SLC24A2: variants seen among roughly 807,000 people sequenced by gnomAD.
SLC24A2 encodes solute carrier family 24 member 2, also known as sodium/potassium/calcium exchanger 2.
A neutral mutation model predicts 62.0 loss-of-function variants in SLC24A2; 36 were observed. The observed-to-expected ratio is 0.58, with a 90% confidence interval of 0.44 to 0.77. The LOEUF (loss-of-function observed/expected upper bound fraction) is 0.77, where lower values mean the gene tolerates loss of function less well. SLC24A2 is among the 30% of genes least tolerant of loss of function. The probability of loss-of-function intolerance (pLI) is 0.00; values close to 1 mark genes in which losing one functional copy is unlikely to be tolerated. For missense variants in SLC24A2, 846 were observed against 817.9 expected (o/e 1.03, Z -0.42); for synonymous variants, 358 against 294.0 (o/e 1.22, Z -2.23).
the SLC24A2 span, among the ~76,000 whole-genome samples, chr9:20,165,605 C>A: frequency 6.6e-6 from 1 of 151,762 alleles, no homozygotes; most frequent in Non-Finnish European, 1.5e-5. Context: ...GAAAAAAATA[C>A]AACCATTGCC....
the SLC24A2 span, among the ~76,000 whole-genome samples, chr9:19,796,014 C>T: frequency 7.5e-5 from 11 of 146,124 alleles, no homozygotes; most frequent in Admixed American, 1.4e-4. Context: ...AGCAAACTAT[C>T]GTAAGGACAA....
the SLC24A2 span, among the ~76,000 whole-genome samples, chr9:20,016,454 T>C: frequency 6.6e-6 from 1 of 152,222 alleles, no homozygotes; most frequent in Admixed American, 6.5e-5. Context: ...TCCTAAGTGA[T>C]TTCCTGAGTA....
At chr9:19,692,808 G>A (rs948074900) in intron 2 of SLC24A2, among the ~76,000 whole-genome samples, 26 of 152,098 alleles carry the variant, frequency 1.7e-4, no homozygotes, top group African/African-American at 6.0e-4. Context: ...CAGTACATAG[G>A]AAGTGCTCGA....
chr9:19,727,621 T>C (rs141916010), intron 2 of SLC24A2, among the ~76,000 whole-genome samples: 10 of 152,206 alleles, frequency 6.6e-5, no homozygotes, highest in African/African-American at 2.4e-4. Flanking sequence ...TGAATGAATA[T>C]GACATCTTCC....
At chr9:19,682,575 G>A (rs1042422049) in intron 2 of SLC24A2, among the ~76,000 whole-genome samples, 1 of 152,088 alleles carries the variant, frequency 6.6e-6, no homozygotes, top group Admixed American at 6.6e-5. Flanking sequence ...GGAAAGGCCT[G>A]TTTCCATGGC....
At chr9:19,730,879 GT>G (rs67718224) in intron 2 of SLC24A2, among the ~76,000 whole-genome samples, 82,867 of 148,932 alleles carry the variant, frequency 0.56, 22,983 homozygotes, top group East Asian at 0.83. Context: ...TAACTCTTAG[GT>G]TTTTTTTTTT....
chr9:19,575,576 G>A (rs12341856), intron 6 of SLC24A2, among the ~76,000 whole-genome samples: 22,566 of 152,168 alleles, frequency 0.15, 2,154 homozygotes, highest in African/African-American at 0.28. Context: ...ACTTTGAAAA[G>A]CATTAGCTAG....
At chr9:19,985,703 C>A in the SLC24A2 span, among the ~76,000 whole-genome samples, 1 of 151,974 alleles carries the variant, frequency 6.6e-6, no homozygotes, top group African/African-American at 2.4e-5. Flanking sequence ...AAATCTTACA[C>A]AAAATTTGGT....
the SLC24A2 span, among the ~76,000 whole-genome samples, chr9:19,812,555 T>C: frequency 0.016 from 2,390 of 152,284 alleles, 79 homozygotes; most frequent in African/African-American, 0.054. Flanking sequence ...CATTTCTTTA[T>C]CTTTTTGTCT....
intron 2 of SLC24A2, among the ~76,000 whole-genome samples, chr9:19,751,527 C>T (rs549817727): frequency 9.2e-5 from 14 of 152,260 alleles, no homozygotes; most frequent in African/African-American, 3.4e-4. Flanking sequence ...TACTGTGCAG[C>T]CAGCCTTGAG....
chr9:19,564,851 C>T (rs1456828384), intron 7 of SLC24A2, among the ~76,000 whole-genome samples: 1 of 152,150 alleles, frequency 6.6e-6, no homozygotes, highest in African/African-American at 2.4e-5. Context: ...TTTGATGTGT[C>T]ACAGCAGCAG....
chr9:20,008,022 AGTAGCTGAGACTACAGGTGC>A, the SLC24A2 span, among the ~76,000 whole-genome samples: 1 of 148,602 alleles, frequency 6.7e-6, no homozygotes, highest in Non-Finnish European at 1.5e-5. Context: ...CAGTCCCCCG[AGTAGCTGAGACTACAGGTGC>A]GCACCACCAT....
intron 2 of SLC24A2, among the ~76,000 whole-genome samples, chr9:19,657,701 C>T (rs1818981097): frequency 1.3e-5 from 2 of 152,178 alleles, no homozygotes; most frequent in Admixed American, 6.5e-5. Context: ...TCAGATGTCA[C>T]ACTGCAGAAC....
At chr9:19,769,446 A>G (rs1439555902) in intron 2 of SLC24A2, among the ~76,000 whole-genome samples, 1 of 152,200 alleles carries the variant, frequency 6.6e-6, no homozygotes, top group African/African-American at 2.4e-5. Flanking sequence ...ACTGTCTCTA[A>G]CATGAGTCAC....
At chr9:20,288,857 G>C in the SLC24A2 span, among the ~76,000 whole-genome samples, 1 of 152,104 alleles carries the variant, frequency 6.6e-6, no homozygotes, top group South Asian at 2.1e-4. Context: ...CCTCAGTACA[G>C]TTCAGCTGCC....
the SLC24A2 span, among the ~76,000 whole-genome samples, chr9:19,978,683 T>A: frequency 6.6e-6 from 1 of 152,084 alleles, no homozygotes; most frequent in Non-Finnish European, 1.5e-5. Context: ...GAGGCAGATA[T>A]CCATATCTAA....
chr9:20,086,470 T>C, the SLC24A2 span, among the ~76,000 whole-genome samples: 1 of 152,212 alleles, frequency 6.6e-6, no homozygotes, highest in East Asian at 1.9e-4. Context: ...AAGGGTAGAA[T>C]CCTGATCTTG....
intron 10 of SLC24A2, among the ~76,000 whole-genome samples, chr9:19,520,031 G>C (rs899213626): frequency 6.6e-6 from 1 of 152,130 alleles, no homozygotes; most frequent in Non-Finnish European, 1.5e-5. Context: ...CTTAAATGGA[G>C]AAAAACATAC....
chr9:20,304,705 A>T, the SLC24A2 span, among the ~76,000 whole-genome samples: 5 of 152,244 alleles, frequency 3.3e-5, no homozygotes, highest in Admixed American at 3.3e-4. Flanking sequence ...GTCTCCAGGA[A>T]CACAATCCTT....
Sources: gnomAD v4.1 joint callset for allele counts (sites outside exome capture counted in the v4.1 genomes callset) on GRCh38, gnomAD v4.1.1 for gene constraint, MANE v1.5 for transcripts, NCBI Gene and HGNC (gene_info 2026-07-23, HGNC 2026-07-21) for gene names.